DIPK1A: variants seen among roughly 807,000 people sequenced by gnomAD.
DIPK1A encodes the protein divergent protein kinase domain 1A, also known as family with sequence similarity 69 member A.
In DIPK1A, 27 loss-of-function variants were observed where a neutral mutation model predicts 40.8. The ratio of observed to expected loss-of-function variants is 0.66; its 90% CI spans 0.49 to 0.91. DIPK1A has a LOEUF of 0.91. Among genes scored for constraint, DIPK1A ranks in the 40% least tolerant of loss-of-function variants. The probability of loss-of-function intolerance (pLI) is 0.00; values close to 1 mark genes in which losing one functional copy is unlikely to be tolerated. For missense variants in DIPK1A, 412 were observed against 505.7 expected (o/e 0.81, Z 1.78); for synonymous variants, 166 against 171.3 (o/e 0.97, Z 0.24).
chr1:92,858,041 T>C (rs765503804), intron 2 of DIPK1A, among the ~76,000 whole-genome samples: 29 of 152,200 alleles, frequency 1.9e-4, no homozygotes, highest in Non-Finnish European at 3.2e-4. Flanking sequence ...GTACAATGCC[T>C]GACGCATAAT....
Position 92,913,721 on chromosome 1 carries a change from G to A in DIPK1A, c.55-37291C>T, listed in dbSNP as rs556973194. Among the ~76,000 whole-genome samples, 9 of 152,284 alleles carry A rather than the reference G, an allele frequency of 5.9e-5. No homozygotes were observed. In the South Asian group the frequency reaches 6.2e-4, roughly 11 times the overall value. On this transcript the variant is annotated intron_variant, in intron 1 of 4. Transcript: ENST00000370310. ...GGGGGCCTTAGCCAACTTCTCTGCC[G>A]CATAGCTCTCCCTCTAGCAAAGCTT...
intron 1 of DIPK1A, among the ~76,000 whole-genome samples, chr1:92,904,534 G>A (rs189045021): frequency 1.3e-4 from 19 of 151,638 alleles, no homozygotes; most frequent in African/African-American, 3.4e-4. Context: ...AATTTTTGTC[G>A]GTACATTATA....
intron 4 of DIPK1A, chr1:92,833,906 G>A (rs1396827196): frequency 5.9e-6 from 3 of 507,298 alleles, no homozygotes; most frequent in African/African-American, 3.9e-5. Flanking sequence ...AGGAGTTTGA[G>A]ACCAGCCTGG....
At position 92,844,026 on chromosome 1, in the gene DIPK1A, G is replaced by A; in HGVS notation, c.644C>T (p.Thr215Ile). The change falls in exon 5 of 5, where the codon ACC becomes ATC. Residue 215 changes from threonine (T) to isoleucine (I), a missense_variant. Coordinates refer to ENST00000370310, the MANE Select transcript of DIPK1A (RefSeq NM_001006605.5). Reference sequence around the variant, plus strand: ...ACCACAGAATCCCATTAATTTGGGGGTATGTTCTTTATCTTGAAGTATCAC... The same window carrying A: ...ACCACAGAATCCCATTAATTTGGGGATATGTTCTTTATCTTGAAGTATCAC... ...LMVILQDKEH[T>I]PKLMGFCGDL... The A allele has an allele frequency of 6.4e-7, 1 of 1,552,112 alleles. No homozygotes were observed. Among genetic ancestry groups the A allele is most frequent in the Admixed American group, 2.0e-5 (1 of 51,002 alleles).
chr1:92,934,190 G>A (rs1028820423), intron 1 of DIPK1A: 1 of 152,132 alleles, frequency 6.6e-6, no homozygotes, highest in African/African-American at 2.4e-5. Context: ...ACCTCAACTT[G>A]ATCTATTTCT....
intron 1 of DIPK1A, among the ~76,000 whole-genome samples, chr1:92,945,351 C>T (rs1316048838): frequency 3.3e-5 from 5 of 152,010 alleles, no homozygotes; most frequent in Non-Finnish European, 5.9e-5. Flanking sequence ...AAACAGGAAA[C>T]AAGCTTGTAT....
chr1:92,878,028 A>G (rs1016430348), intron 1 of DIPK1A, among the ~76,000 whole-genome samples: 2 of 152,234 alleles, frequency 1.3e-5, no homozygotes, highest in African/African-American at 4.8e-5. Context: ...CGGACTTGCC[A>G]AAAAGAAAAC....
intron 2 of DIPK1A, among the ~76,000 whole-genome samples, chr1:92,857,661 AT>A (rs1012096424): frequency 2.0e-5 from 3 of 152,072 alleles, no homozygotes; most frequent in Non-Finnish European, 2.9e-5. Context: ...GTTCTATGAG[AT>A]TTGCATGTAT....
intron 1 of DIPK1A, among the ~76,000 whole-genome samples, chr1:92,906,997 T>C (rs1352735442): frequency 6.6e-6 from 1 of 152,206 alleles, no homozygotes; most frequent in Non-Finnish European, 1.5e-5. Flanking sequence ...GTTAGGCTCT[T>C]TAAATGTTTA....
intron 1 of DIPK1A, among the ~76,000 whole-genome samples, chr1:92,889,008 CTTT>C (rs896252378): frequency 3.3e-5 from 5 of 152,068 alleles, no homozygotes; most frequent in Admixed American, 2.0e-4. Context: ...TGTGCAGAAG[CTTT>C]TTTGTTTGAT....
chr1:92,959,902 A>ATTTTTTTTTTTT lies in DIPK1A; in HGVS notation c.54+1473_54+1474insAAAAAAAAAAAA, dbSNP rs1557502636. ...AGCTGGGACCACAGGCACCCAACCA[A>ATTTTTTTTTTTT]CTTTTTTTTTTTTTTTTTTTTTTTT... On this transcript the variant is annotated intron_variant, in intron 1 of 4. Coordinates refer to ENST00000370310, the MANE Select transcript of DIPK1A (RefSeq NM_001006605.5). Among the ~76,000 whole-genome samples, 412 of 43,072 alleles carry ATTTTTTTTTTTT rather than the reference A, an allele frequency of 9.6e-3. 31 individuals are homozygous for ATTTTTTTTTTTT. Among genetic ancestry groups the ATTTTTTTTTTTT allele is most frequent in the Admixed American group, 0.011 (40 of 3,746 alleles). The allele number at this position is 43,072 out of a possible 152,430, so 28.3% of individuals were successfully genotyped here. A position where few individuals can be genotyped will look rare whatever the true frequency, so the allele number is the denominator to read the frequency against.
chr1:92,949,137 T>C (rs1350006600), intron 1 of DIPK1A, among the ~76,000 whole-genome samples: 2 of 152,054 alleles, frequency 1.3e-5, no homozygotes, highest in African/African-American at 4.8e-5. Flanking sequence ...TTTGACATTC[T>C]TCTTACCCAC....
intron 4 of DIPK1A, among the ~76,000 whole-genome samples, chr1:92,846,397 T>G (rs1256571842): frequency 6.6e-6 from 1 of 152,106 alleles, no homozygotes; most frequent in Non-Finnish European, 1.5e-5. Flanking sequence ...CTAGCGGTAA[T>G]TTTGTATCTG....
chr1:92,944,943 A>G (rs1042030360), intron 1 of DIPK1A, among the ~76,000 whole-genome samples: 1 of 151,592 alleles, frequency 6.6e-6, no homozygotes, highest in African/African-American at 2.4e-5. Context: ...GGCCAAAGAC[A>G]GTTTTAGACA....
intron 4 of DIPK1A, among the ~76,000 whole-genome samples, chr1:92,844,937 TTTC>T (rs1319344178): frequency 1.5e-5 from 2 of 132,784 alleles, no homozygotes; most frequent in Non-Finnish European, 1.5e-5. Context: ...TATATTAGTA[TTTC>T]TTTTTTTTTT....
At chr1:92,911,119 G>A (rs1649809741) in intron 1 of DIPK1A, among the ~76,000 whole-genome samples, 2 of 152,202 alleles carry the variant, frequency 1.3e-5, no homozygotes, top group African/African-American at 2.4e-5. Context: ...TCAAGTTGTT[G>A]TATGCTATGG....
chr1:92,852,524 G>A (rs1380794506), intron 2 of DIPK1A, among the ~76,000 whole-genome samples: 1 of 152,040 alleles, frequency 6.6e-6, no homozygotes, highest in East Asian at 1.9e-4. Flanking sequence ...AAAATTTCTA[G>A]AAGAATGTTG....
intron 1 of DIPK1A, among the ~76,000 whole-genome samples, chr1:92,905,982 G>A (rs900706213): frequency 1.3e-5 from 2 of 152,062 alleles, no homozygotes; most frequent in African/African-American, 4.8e-5. Context: ...CTTGGTCTCT[G>A]TGCTTGTTTT....
At chr1:92,836,260 T>C (rs779364652) in intron 4 of DIPK1A, 1 of 1,613,950 alleles carries the variant, frequency 6.2e-7, no homozygotes, top group Non-Finnish European at 8.5e-7. Context: ...GAATACAATG[T>C]GGAAAGCATT....
Sources: gnomAD v4.1 joint callset for allele counts (sites outside exome capture counted in the v4.1 genomes callset) on GRCh38, gnomAD v4.1.1 for gene constraint, MANE v1.5 for transcripts, NCBI Gene and HGNC (gene_info 2026-07-23, HGNC 2026-07-21) for gene names.